SYN3: variants seen among roughly 807,000 people sequenced by gnomAD.
SYN3 encodes the protein synapsin-3.
SYN3 carries 35 observed loss-of-function variants against 65.8 expected under a neutral mutation model. The observed-to-expected ratio is 0.53, with a 90% CI of 0.41 to 0.70. SYN3 has a LOEUF of 0.70. Among genes scored for constraint, SYN3 ranks in the 30% least tolerant of loss-of-function variants. The pLI is 0.00. For synonymous variants in SYN3, 270 were observed against 292.9 expected, an observed-to-expected ratio of 0.92 and a Z score of 0.80; for missense variants, 680 against 749.0, an observed-to-expected ratio of 0.91 and a Z score of 1.08.
chr22:32,982,608 T>A (rs1401307502), intron 2 of SYN3, among the ~76,000 whole-genome samples: 3 of 152,250 alleles, frequency 2.0e-5, no homozygotes, highest in Admixed American at 1.3e-4. Context: ...AATTAGTAAC[T>A]GTGTTTAATG....
At chr22:32,642,468 T>A (rs1350495103) in intron 6 of SYN3, among the ~76,000 whole-genome samples, 2 of 151,454 alleles carry the variant, frequency 1.3e-5, no homozygotes, top group African/African-American at 2.4e-5. Context: ...TGAGATGGAG[T>A]CTTGCTCTGT....
intron 7 of SYN3, among the ~76,000 whole-genome samples, chr22:32,544,938 A>G (rs1253064932): frequency 6.6e-6 from 1 of 152,098 alleles, no homozygotes; most frequent in African/African-American, 2.4e-5. Flanking sequence ...TACAGTCATG[A>G]TGCACCCTGA....
chr22:32,994,335 G>A (rs2052816040), intron 2 of SYN3, among the ~76,000 whole-genome samples: 1 of 152,128 alleles, frequency 6.6e-6, no homozygotes, highest in Admixed American at 6.5e-5. Context: ...GGGGTGCAGC[G>A]TGGGTGCCCA....
At chr22:32,973,733 T>G (rs2052094059) in intron 3 of SYN3, among the ~76,000 whole-genome samples, 1 of 152,234 alleles carries the variant, frequency 6.6e-6, no homozygotes. Flanking sequence ...CCATTTCTGC[T>G]GCTTGTTTAA....
chr22:32,914,104 G>A (rs1267214760), intron 4 of SYN3, among the ~76,000 whole-genome samples: 1 of 152,208 alleles, frequency 6.6e-6, no homozygotes, highest in African/African-American at 2.4e-5. Flanking sequence ...TGGGGAAACT[G>A]GGGCACAGCA....
intron 3 of SYN3, among the ~76,000 whole-genome samples, chr22:32,947,935 C>T (rs907425524): frequency 1.3e-5 from 2 of 152,132 alleles, no homozygotes; most frequent in Non-Finnish European, 2.9e-5. Flanking sequence ...GAAGCCACTT[C>T]CAGATTCCTC....
intron 6 of SYN3, among the ~76,000 whole-genome samples, chr22:32,604,797 A>G (rs1237826355): frequency 6.6e-6 from 1 of 152,018 alleles, no homozygotes; most frequent in African/African-American, 2.4e-5. Flanking sequence ...CGAGGTCAGG[A>G]GATCGAGACC....
At chr22:32,776,300 A>C (rs1038462485) in intron 6 of SYN3, among the ~76,000 whole-genome samples, 3 of 152,094 alleles carry the variant, frequency 2.0e-5, no homozygotes, top group African/African-American at 7.2e-5. Flanking sequence ...CTGTCATTTT[A>C]AGTCACTTGG....
chr22:32,581,132 C>T (rs763605897), intron 7 of SYN3, among the ~76,000 whole-genome samples: 14 of 152,154 alleles, frequency 9.2e-5, no homozygotes, highest in Non-Finnish European at 1.9e-4. Flanking sequence ...TTTTTTGAGA[C>T]TGAGTCTCGC....
At chr22:32,775,421 G>A (rs1191031315) in intron 6 of SYN3, among the ~76,000 whole-genome samples, 1 of 152,186 alleles carries the variant, frequency 6.6e-6, no homozygotes, top group Non-Finnish European at 1.5e-5. Flanking sequence ...GGAATGCCAA[G>A]AGAGTGGTGA....
intron 6 of SYN3, among the ~76,000 whole-genome samples, chr22:32,728,742 A>G (rs1372339771): frequency 6.6e-6 from 1 of 152,198 alleles, no homozygotes; most frequent in African/African-American, 2.4e-5. Context: ...GAGACCCCTG[A>G]GGTATGGTGT....
intron 1 of SYN3, among the ~76,000 whole-genome samples, chr22:33,020,206 A>G (rs1241617397): frequency 1.3e-5 from 2 of 152,234 alleles, no homozygotes; most frequent in African/African-American, 4.8e-5. Context: ...ATAGTTAACC[A>G]TGGAAACGTG....
At chr22:32,786,301 A>G (rs2046192489) in intron 6 of SYN3, among the ~76,000 whole-genome samples, 1 of 152,150 alleles carries the variant, frequency 6.6e-6, no homozygotes, top group Admixed American at 6.5e-5. Flanking sequence ...GCTCCACACT[A>G]CAAAAGTTGA....
At chr22:32,650,150 A>G (rs1026483570) in intron 6 of SYN3, among the ~76,000 whole-genome samples, 3 of 152,044 alleles carry the variant, frequency 2.0e-5, no homozygotes, top group African/African-American at 7.3e-5. Flanking sequence ...AGTTATGACA[A>G]CGGCCAGCAT....
chr22:32,746,549 T>A (rs1273050608), intron 6 of SYN3, among the ~76,000 whole-genome samples: 1 of 152,146 alleles, frequency 6.6e-6, no homozygotes, highest in Non-Finnish European at 1.5e-5. Flanking sequence ...GGCTTTCATA[T>A]TTGGATGTGA....
chr22:32,938,337 G>A (rs1030497018), intron 3 of SYN3, among the ~76,000 whole-genome samples: 8 of 150,974 alleles, frequency 5.3e-5, no homozygotes, highest in African/African-American at 1.7e-4. Context: ...GACCATCCTG[G>A]CAAACACGGT....
intron 6 of SYN3, among the ~76,000 whole-genome samples, chr22:32,637,732 G>A (rs1334836052): frequency 2.1e-5 from 3 of 145,600 alleles, no homozygotes; most frequent in Non-Finnish European, 1.5e-5. Flanking sequence ...CTGCTTCCAA[G>A]GCTTAAGCGA....
At chr22:32,834,864 C>T (rs2047683855) in intron 6 of SYN3, among the ~76,000 whole-genome samples, 1 of 152,202 alleles carries the variant, frequency 6.6e-6, no homozygotes, top group South Asian at 2.1e-4. Flanking sequence ...GTTTGTGGAA[C>T]AGTCCTAAAG....
chr22:32,629,983 A>T (rs1205251363), intron 6 of SYN3: 2 of 144,090 alleles, frequency 1.4e-5, no homozygotes, highest in African/African-American at 5.7e-5. Context: ...TTATATAGGT[A>T]TGTATTTTTT....
Sources: gnomAD v4.1 joint callset for allele counts (sites outside exome capture counted in the v4.1 genomes callset) on GRCh38, gnomAD v4.1.1 for gene constraint, MANE v1.5 for transcripts, NCBI Gene and HGNC (gene_info 2026-07-23, HGNC 2026-07-21) for gene names.